HMCN1: variants seen among roughly 807,000 people sequenced by gnomAD.
The protein encoded by HMCN1 is hemicentin 1, also known as hemicentin-1.
Under a neutral mutation model 625.9 loss-of-function variants are expected in HMCN1, and 321 were observed. The observed-to-expected ratio is 0.51, with a 90% CI of 0.47 to 0.56. HMCN1 has a LOEUF of 0.56. Ranked by LOEUF, HMCN1 falls within the 20% of genes least tolerant of loss-of-function variation. HMCN1 has a pLI of 0.00. For missense variants in HMCN1, 6,588 were observed against 6,887.3 expected, an observed-to-expected ratio of 0.96 and a Z score of 1.54; for synonymous variants, 2,425 against 2,417.6, an observed-to-expected ratio of 1.00 and a Z score of -0.09.
intron 48 of HMCN1, among the ~76,000 whole-genome samples, chr1:186,064,668 G>A (rs1206475387): frequency 1.3e-5 from 2 of 151,692 alleles, no homozygotes; most frequent in Non-Finnish European, 2.9e-5. Context: ...AAATTAGCCG[G>A]GTGTGGTAGC....
rs754812023 is a variant in HMCN1 at position 186,151,181 on chromosome 1, T to G, written c.14609-19T>G. 1.8e-5 allele frequency: 28 copies of G among 1,596,180 alleles called. No individual in the cohort carries two copies. In the East Asian group the frequency reaches 2.7e-4, roughly 15 times the overall value. On this transcript the variant is annotated intron_variant, in intron 93 of 106. Coordinates refer to ENST00000271588, the MANE Select transcript of HMCN1 (RefSeq NM_031935.3). ...GAAATTGCATCCTTATCCAGGAATG[T>G]TTTTTTTTCCCCCAATAGGTGGGCC...
chr1:186,187,583 G>T (rs908970057), intron 105 of HMCN1, among the ~76,000 whole-genome samples: 1 of 152,096 alleles, frequency 6.6e-6, no homozygotes, highest in African/African-American at 2.4e-5. Flanking sequence ...CAAATGCAAG[G>T]TATTCCCCAA....
intron 103 of HMCN1, among the ~76,000 whole-genome samples, chr1:186,175,302 T>G (rs1292585651): frequency 6.6e-6 from 1 of 152,234 alleles, no homozygotes; most frequent in Non-Finnish European, 1.5e-5. Flanking sequence ...AATATTCAAT[T>G]GCACTAAAAT....
Position 185,759,471 on chromosome 1 carries a change from G to T in HMCN1, c.268+24424G>T, listed in dbSNP as rs143289904. Among the ~76,000 whole-genome samples the T allele has an allele frequency of 9.2e-5, 14 of 152,272 alleles. No homozygotes were observed. In the East Asian group the frequency reaches 2.7e-3, roughly 29 times the overall value. On this transcript the variant is annotated intron_variant, in intron 1 of 106. Coordinates refer to ENST00000271588, the MANE Select transcript of HMCN1 (RefSeq NM_031935.3). ...TTAGGGAGATTTAATAGAAATAATA[G>T]ACTTCAAAAGAGGTGATTTTGAGCA...
intron 97 of HMCN1, among the ~76,000 whole-genome samples, chr1:186,159,802 C>T (rs948728565): frequency 9.9e-5 from 15 of 152,198 alleles, no homozygotes; most frequent in Middle Eastern, 3.4e-3. Context: ...CTTTTTGATG[C>T]GCTTGCTGGA....
intron 1 of HMCN1, among the ~76,000 whole-genome samples, chr1:185,798,431 T>G (rs1368961791): frequency 1.3e-5 from 2 of 152,190 alleles, no homozygotes; most frequent in Non-Finnish European, 2.9e-5. Flanking sequence ...CTAGCAAGAC[T>G]TGGGAAGTTT....
intron 15 of HMCN1, among the ~76,000 whole-genome samples, chr1:185,975,355 A>T (rs1174602557): frequency 1.3e-5 from 2 of 152,154 alleles, no homozygotes; most frequent in African/African-American, 4.8e-5. Flanking sequence ...GGAAACTTAT[A>T]ATCATGGCAG....
Position 185,977,943 on chromosome 1 carries a change from C to A in HMCN1, c.2528C>A (p.Ser843Tyr), listed in dbSNP as rs762533843. 1 of 1,613,138 alleles carries A rather than the reference C, an allele frequency of 6.2e-7. No homozygotes were observed. The highest frequency in any genetic ancestry group is 2.2e-5 in the East Asian group (1 of 44,792). ...TTCTCAAGACCTTTTTCAGTTAGTT[C>A]CATCAGCCAACTAAGAACAGGAGCT... ...PIFSRPFSVS[S>Y]ISQLRTGALF... is the part of the protein sequence containing the mutation. The change falls in exon 16 of 107, where the codon TCC becomes TAC. Residue 843 changes from serine to tyrosine, a missense_variant. Ser to Tyr is a moderately radical substitution (Grantham distance 144). This residue lies in a region of HMCN1 where 4,628 missense variants were observed against 4,853.1 expected (regional missense o/e 0.95). Transcript: ENST00000271588.
chr1:185,898,893 A>AG (rs1450971267), intron 4 of HMCN1, among the ~76,000 whole-genome samples: 1 of 152,030 alleles, frequency 6.6e-6, no homozygotes, highest in Non-Finnish European at 1.5e-5. Context: ...GCTAAAAAAA[A>AG]AAAAAATCAG....
chr1:185,820,049 G>A (rs576608221), intron 1 of HMCN1, among the ~76,000 whole-genome samples: 4 of 152,264 alleles, frequency 2.6e-5, no homozygotes, highest in South Asian at 2.1e-4. Flanking sequence ...GGGGCAAAAG[G>A]TTTGGAGAAC....
At chr1:185,758,977 T>C (rs1655312472) in intron 1 of HMCN1, among the ~76,000 whole-genome samples, 1 of 152,200 alleles carries the variant, frequency 6.6e-6, no homozygotes, top group Non-Finnish European at 1.5e-5. Context: ...AGTCTAACTC[T>C]CTAGTGTTCC....
intron 97 of HMCN1, among the ~76,000 whole-genome samples, chr1:186,157,686 C>T (rs550736579): frequency 5.3e-5 from 8 of 152,110 alleles, no homozygotes; most frequent in South Asian, 2.1e-4. Context: ...TGAGAATATG[C>T]GGTGTTTGGT....
At chr1:186,130,750 C>T in intron 85 of HMCN1, 53 bp downstream of exon 85, 1 of 1,447,300 alleles carries the variant, frequency 6.9e-7, no homozygotes, top group Non-Finnish European at 9.7e-7. Flanking sequence ...AGCCAATACC[C>T]CTCTGTGAGT....
intron 19 of HMCN1, among the ~76,000 whole-genome samples, chr1:185,987,206 A>G (rs949398449): frequency 3.3e-5 from 5 of 151,750 alleles, no homozygotes; most frequent in Admixed American, 6.6e-5. Flanking sequence ...GACATAACTT[A>G]CTACTTGATT....
At chr1:185,981,638 G>A (rs1359708310) in intron 17 of HMCN1, among the ~76,000 whole-genome samples, 5 of 151,986 alleles carry the variant, frequency 3.3e-5, no homozygotes, top group Non-Finnish European at 7.4e-5. Flanking sequence ...GTCAGTACAT[G>A]TTTCTCATTA....
chr1:185,771,617 A>T (rs1656246398), intron 1 of HMCN1, among the ~76,000 whole-genome samples: 1 of 152,190 alleles, frequency 6.6e-6, no homozygotes, highest in South Asian at 2.1e-4. Flanking sequence ...TGATATGGCC[A>T]CTTATTAGAG....
At position 186,039,823 on chromosome 1, in the gene HMCN1, A is replaced by T; in HGVS notation, c.6124A>T (p.Ser2042Cys). The T allele has an allele frequency of 6.2e-7, 1 of 1,613,534 alleles. No homozygotes were observed. The highest frequency in any genetic ancestry group is 8.5e-7 in the Non-Finnish European group (1 of 1,179,610). ...ECEARGIPAP[S>C]LTWLKDGSPV... The stretch of plus-strand genomic sequence containing the variant: ...TGAAGCCAGAGGTATTCCTGCCCCA[A>T]GTCTGACCTGGTTGAAAGATGGGAG... The change falls in exon 39 of 107, where the codon AGT (serine) becomes TGT (cysteine). Residue 2042 changes from serine to cysteine, a missense_variant. Transcript: ENST00000271588.
intron 15 of HMCN1, among the ~76,000 whole-genome samples, chr1:185,973,433 A>G (rs1650969863): frequency 6.6e-6 from 1 of 152,108 alleles, no homozygotes; most frequent in Non-Finnish European, 1.5e-5. Flanking sequence ...TAAGCTTAGT[A>G]GTGCATAAAA....
intron 1 of HMCN1, among the ~76,000 whole-genome samples, chr1:185,737,213 A>G (rs1419654715): frequency 6.6e-6 from 1 of 151,112 alleles, no homozygotes; most frequent in Non-Finnish European, 1.5e-5. Context: ...GGAGTGCAGT[A>G]GCACTATCAT....
Sources: gnomAD v4.1 joint callset for allele counts (sites outside exome capture counted in the v4.1 genomes callset) on GRCh38, gnomAD v4.1.1 for gene constraint, gnomAD v4.1.1 regional missense constraint, MANE v1.5 for transcripts, NCBI Gene and HGNC (gene_info 2026-07-23, HGNC 2026-07-21) for gene names.